GPHN: variants seen among roughly 807,000 people sequenced by gnomAD.
The protein encoded by GPHN is gephyrin.
GPHN carries 17 observed loss-of-function variants against 95.5 expected under a neutral mutation model. The ratio of observed to expected loss-of-function variants is 0.18; its 90% CI spans 0.12 to 0.27. GPHN has a LOEUF of 0.27. Ranked by LOEUF, GPHN falls within the 10% of genes least tolerant of loss-of-function variation. The pLI, the probability that GPHN is intolerant of heterozygous loss-of-function variation, is 1.00. For missense variants in GPHN, 660 were observed against 978.1 expected, an observed-to-expected ratio of 0.67 and a Z score of 4.34; for synonymous variants, 320 against 322.5, an observed-to-expected ratio of 0.99 and a Z score of 0.08.
At chr14:66,629,767 A>G (rs943381450) in intron 1 of GPHN, among the ~76,000 whole-genome samples, 4 of 152,142 alleles carry the variant, frequency 2.6e-5, no homozygotes, top group African/African-American at 9.6e-5. Context: ...TTTCAGCTCC[A>G]TTATAATGTT....
the GPHN span, chr14:67,557,450 C>G: frequency 6.2e-7 from 1 of 1,602,944 alleles, no homozygotes; most frequent in Non-Finnish European, 8.5e-7. Context: ...AGCACCATGC[C>G]CTCTTCGACA....
chr14:67,281,862 T>G, the GPHN span, among the ~76,000 whole-genome samples: 3 of 152,108 alleles, frequency 2.0e-5, no homozygotes, highest in East Asian at 5.8e-4. Context: ...ATTGCTGACT[T>G]TTTTACAAAT....
the GPHN span, chr14:67,270,954 C>T: frequency 1.3e-5 from 2 of 152,036 alleles, no homozygotes; most frequent in African/African-American, 4.8e-5. Context: ...GTCATTTGGG[C>T]AGAAAGATGG....
the GPHN span, chr14:67,360,309 G>T: frequency 1.5e-5 from 6 of 398,312 alleles, 1 homozygote; most frequent in Admixed American, 4.4e-5. Flanking sequence ...CAGCGCTTGC[G>T]CATGCGAGGA....
intron 3 of GPHN, among the ~76,000 whole-genome samples, chr14:66,797,151 A>C (rs1390274734): frequency 6.8e-6 from 1 of 146,820 alleles, no homozygotes; most frequent in Non-Finnish European, 1.5e-5. Flanking sequence ...AGGTATGTGG[A>C]TTTGTTTCTG....
At chr14:66,687,710 A>C (rs563400106) in intron 2 of GPHN, among the ~76,000 whole-genome samples, 1 of 152,052 alleles carries the variant, frequency 6.6e-6, no homozygotes, top group East Asian at 1.9e-4. Context: ...GCTGGTCTCT[A>C]ACTCCTGACC....
the GPHN span, among the ~76,000 whole-genome samples, chr14:67,661,952 C>G: frequency 3.3e-3 from 494 of 151,944 alleles, 17 homozygotes; most frequent in East Asian, 0.081. Context: ...GTCAGGAGAT[C>G]GAGACCATCC....
chr14:67,329,932 C>T, the GPHN span, among the ~76,000 whole-genome samples: 13 of 150,722 alleles, frequency 8.6e-5, no homozygotes, highest in South Asian at 2.5e-3. Context: ...CAAAATGTAA[C>T]CAACCAGTTA....
chr14:67,551,141 G>A, the GPHN span, among the ~76,000 whole-genome samples: 1 of 152,108 alleles, frequency 6.6e-6, no homozygotes, highest in Non-Finnish European at 1.5e-5. Flanking sequence ...AATTAATAGT[G>A]GGCAACCTCT....
chr14:67,000,834 G>A (rs1244154093), intron 9 of GPHN, among the ~76,000 whole-genome samples: 2 of 151,716 alleles, frequency 1.3e-5, no homozygotes, highest in East Asian at 3.9e-4. Context: ...AGGGATATTT[G>A]ATATATCCAT....
chr14:66,802,943 C>T (rs1458295667), intron 3 of GPHN, among the ~76,000 whole-genome samples: 2 of 152,094 alleles, frequency 1.3e-5, no homozygotes, highest in South Asian at 2.1e-4. Flanking sequence ...TCAGTACTCC[C>T]TTAGATGGTG....
At chr14:66,927,067 T>A (rs1283522618) in intron 8 of GPHN, among the ~76,000 whole-genome samples, 2 of 152,104 alleles carry the variant, frequency 1.3e-5, no homozygotes, top group African/African-American at 4.8e-5. Context: ...GAAATGCTGC[T>A]AATTGGCCAG....
the GPHN span, among the ~76,000 whole-genome samples, chr14:67,225,954 TGTGTGTGTGC>T: frequency 2.8e-3 from 393 of 138,080 alleles, no homozygotes; most frequent in East Asian, 0.012. Context: ...TGTGTGTGTG[TGTGTGTGTGC>T]GCGCGCGCGC....
At chr14:67,131,251 G>A (rs1332908918) in intron 17 of GPHN, among the ~76,000 whole-genome samples, 3 of 151,424 alleles carry the variant, frequency 2.0e-5, no homozygotes, top group African/African-American at 7.3e-5. Context: ...GCTTTGAGAA[G>A]TTGTTGTCTT....
chr14:67,381,556 G>T, the GPHN span: 3 of 1,514,252 alleles, frequency 2.0e-6, no homozygotes, highest in Admixed American at 3.5e-5. Flanking sequence ...AATATTTTTT[G>T]CATTTTTTAT....
the GPHN span, among the ~76,000 whole-genome samples, chr14:67,256,797 GACACAC>G: frequency 2.0e-5 from 3 of 147,678 alleles, no homozygotes; most frequent in African/African-American, 7.4e-5. Flanking sequence ...AGAAACTATT[GACACAC>G]ACACACACAC....
chr14:67,537,292 C>T, the GPHN span, among the ~76,000 whole-genome samples: 7 of 147,526 alleles, frequency 4.7e-5, no homozygotes, highest in East Asian at 3.9e-4. Context: ...TGCAGAGAGC[C>T]GAGATTGCAC....
At chr14:66,947,164 A>G (rs2067807313) in intron 8 of GPHN, among the ~76,000 whole-genome samples, 2 of 152,080 alleles carry the variant, frequency 1.3e-5, no homozygotes, top group Admixed American at 1.3e-4. Context: ...ATTGCTTACT[A>G]AGCTCCATAT....
At chr14:67,186,642 CAAAA>C (rs2083370451), downstream of GPHN, among the ~76,000 whole-genome samples, 2 of 152,122 alleles carry the variant, frequency 1.3e-5, no homozygotes, top group African/African-American at 4.8e-5. Flanking sequence ...ATGTCAAAAA[CAAAA>C]AACAACCAAA....
Sources: gnomAD v4.1 joint callset for allele counts (sites outside exome capture counted in the v4.1 genomes callset) on GRCh38, gnomAD v4.1.1 for gene constraint, MANE v1.5 for transcripts, NCBI Gene and HGNC (gene_info 2026-07-23, HGNC 2026-07-21) for gene names.